Variants in KCNAB1 observed in about 807,000 individuals in gnomAD.
The protein encoded by KCNAB1 is potassium voltage-gated channel subfamily A regulatory beta subunit 1, also known as voltage-gated potassium channel subunit beta-1.
Under a neutral mutation model 64.6 loss-of-function variants are expected in KCNAB1, and 35 were observed. The observed-to-expected ratio is 0.54, with a 90% CI of 0.41 to 0.72. The LOEUF (loss-of-function observed/expected upper bound fraction) is 0.72, where lower values mean the gene tolerates loss of function less well. Among genes scored for constraint, KCNAB1 ranks in the 30% least tolerant of loss-of-function variants. The probability of loss-of-function intolerance (pLI) is 0.00; values close to 1 mark genes in which losing one functional copy is unlikely to be tolerated. For missense variants in KCNAB1, 401 were observed against 512.9 expected, an observed-to-expected ratio of 0.78 and a Z score of 2.11; for synonymous variants, 177 against 183.8, an observed-to-expected ratio of 0.96 and a Z score of 0.30.
chr3:156,374,011 T>C (rs1197621302), intron 1 of KCNAB1, among the ~76,000 whole-genome samples: 1 of 152,202 alleles, frequency 6.6e-6, no homozygotes, highest in Non-Finnish European at 1.5e-5. Flanking sequence ...GATTCTTAGC[T>C]CTGTCTTCAC....
intron 1 of KCNAB1, among the ~76,000 whole-genome samples, chr3:156,190,268 A>G (rs1436503552): frequency 1.3e-5 from 2 of 152,094 alleles, no homozygotes; most frequent in African/African-American, 2.4e-5. Context: ...GCAATTGCCA[A>G]CCTGTGTTTT....
chr3:156,454,983 A>G (rs1712289258), intron 3 of KCNAB1, among the ~76,000 whole-genome samples: 1 of 152,176 alleles, frequency 6.6e-6, no homozygotes, highest in Non-Finnish European at 1.5e-5. Flanking sequence ...GCTGTCATGA[A>G]TGGCTGCTGA....
intron 3 of KCNAB1, among the ~76,000 whole-genome samples, chr3:156,454,132 T>C (rs1712212344): frequency 6.6e-6 from 1 of 152,230 alleles, no homozygotes; most frequent in Non-Finnish European, 1.5e-5. Context: ...CATGTCACCT[T>C]ATAAGGCTTG....
chr3:156,504,742 G>GTTTT lies in KCNAB1; in HGVS notation c.659-9617_659-9614dup, dbSNP rs796618812. Among the ~76,000 whole-genome samples the GTTTT allele has an allele frequency of 6.2e-5, 5 of 81,234 alleles. No individual in the cohort carries two copies. The East Asian group carries it at 1.4e-3, about 23-fold the overall frequency. The allele number at this position is 81,234 out of a possible 152,430, so 53.3% of individuals were successfully genotyped here. ...AAATTGGATTACTTGTTTTGTTTTT[G>GTTTT]TTTTTTTTGTTTTTTTTTTTTTGCT... On this transcript the variant is annotated intron_variant, in intron 8 of 13. Transcript: ENST00000490337.
chr3:156,262,522 A>G (rs1183295777), intron 1 of KCNAB1, among the ~76,000 whole-genome samples: 2 of 151,936 alleles, frequency 1.3e-5, no homozygotes, highest in Non-Finnish European at 2.9e-5. Flanking sequence ...AAACCAAACT[A>G]CAGACCACTT....
At chr3:156,420,862 T>C (rs1037772155) in intron 1 of KCNAB1, among the ~76,000 whole-genome samples, 1 of 152,094 alleles carries the variant, frequency 6.6e-6, no homozygotes, top group African/African-American at 2.4e-5. Context: ...AGCAAAAATA[T>C]ATTTCTTTTC....
intron 1 of KCNAB1, among the ~76,000 whole-genome samples, chr3:156,364,326 T>A (rs1302706696): frequency 6.6e-6 from 1 of 152,238 alleles, no homozygotes. Flanking sequence ...TCAGTCCATT[T>A]TTCATGTCAG....
intron 1 of KCNAB1, among the ~76,000 whole-genome samples, chr3:156,324,704 A>AT (rs1267194426): frequency 6.6e-6 from 1 of 151,898 alleles, no homozygotes; most frequent in Non-Finnish European, 1.5e-5. Flanking sequence ...AGTCATATTC[A>AT]TTTTTCAATG....
intron 1 of KCNAB1, among the ~76,000 whole-genome samples, chr3:156,381,306 GA>G (rs1342353821): frequency 1.3e-5 from 2 of 152,172 alleles, no homozygotes; most frequent in Non-Finnish European, 1.5e-5. Context: ...TTGGCTGAGG[GA>G]ACAGCATGAG....
intron 1 of KCNAB1, among the ~76,000 whole-genome samples, chr3:156,159,788 A>G (rs1438000081): frequency 6.6e-6 from 1 of 152,150 alleles, no homozygotes; most frequent in Non-Finnish European, 1.5e-5. Context: ...TTAAGAGTTT[A>G]ATCAAAGGCT....
At chr3:156,389,590 G>T (rs952834471) in intron 1 of KCNAB1, among the ~76,000 whole-genome samples, 2 of 152,198 alleles carry the variant, frequency 1.3e-5, no homozygotes, top group African/African-American at 4.8e-5. Flanking sequence ...AAGGCAAATT[G>T]TCAGACCTCC....
At chr3:156,183,902 T>G (rs1345467228) in intron 1 of KCNAB1, among the ~76,000 whole-genome samples, 1 of 152,232 alleles carries the variant, frequency 6.6e-6, no homozygotes, top group Non-Finnish European at 1.5e-5. Context: ...GGCCACCACT[T>G]ACAGAATACG....
intron 1 of KCNAB1, chr3:156,176,447 A>G: frequency 1.3e-6 from 1 of 785,904 alleles, no homozygotes; most frequent in Non-Finnish European, 2.4e-6. Context: ...ACAGGAATTC[A>G]CAAAGGAAGT....
At chr3:156,284,994 G>A (rs1720014662) in intron 1 of KCNAB1, among the ~76,000 whole-genome samples, 1 of 152,120 alleles carries the variant, frequency 6.6e-6, no homozygotes, top group Non-Finnish European at 1.5e-5. Flanking sequence ...CTCCCCCGGG[G>A]AATACTTTAA....
In KCNAB1 at chr3:156,224,737, G is replaced by A. The variant is rs145596799; in HGVS notation, c.275+103851G>A. On this transcript the variant is annotated intron_variant, in intron 1 of 13. Coordinates refer to ENST00000490337, the MANE Select transcript of KCNAB1 (RefSeq NM_172160.3). ...TGAGCTCCATTAGAAATGAAATGGG[G>A]TATATTACAACTCATACCATATAAA... is the stretch of plus-strand genomic sequence containing the variant. 8.9e-3 allele frequency among the ~76,000 whole-genome samples: 1,360 copies of A among 152,140 alleles called. 19 individuals are homozygous for A. The highest frequency in any genetic ancestry group is 0.031 in the African/African-American group (1,291 of 41,522).
At chr3:156,503,586 C>G (rs1716610958) in intron 8 of KCNAB1, among the ~76,000 whole-genome samples, 1 of 152,128 alleles carries the variant, frequency 6.6e-6, no homozygotes, top group African/African-American at 2.4e-5. Flanking sequence ...GTCAAGCTCT[C>G]AATTCAGGGA....
intron 1 of KCNAB1, among the ~76,000 whole-genome samples, chr3:156,390,880 C>T (rs1420895147): frequency 2.6e-5 from 4 of 152,136 alleles, no homozygotes; most frequent in African/African-American, 4.8e-5. Context: ...CCACAGCGCC[C>T]GGCCTTTGTG....
In KCNAB1 at chr3:156,200,777, C is replaced by T. The variant is rs544474166; in HGVS notation, c.275+79891C>T. 2.6e-5 allele frequency among the ~76,000 whole-genome samples: 4 copies of T among 152,306 alleles called. No homozygotes were observed. In the South Asian group the frequency reaches 8.3e-4, roughly 32 times the overall value. On this transcript the variant is annotated intron_variant, in intron 1 of 13. Transcript: ENST00000490337. ...GGGAATGGGACCCGCTGAATGAGACCACTTGGCTCCCTGGCTTCAGCCCCT... is the reference window on the plus strand; with the variant it reads ...GGGAATGGGACCCGCTGAATGAGACTACTTGGCTCCCTGGCTTCAGCCCCT...
intron 2 of KCNAB1, among the ~76,000 whole-genome samples, chr3:156,445,350 G>T (rs1717334131): frequency 6.6e-6 from 1 of 152,150 alleles, no homozygotes; most frequent in African/African-American, 2.4e-5. Context: ...CTACCGGTAT[G>T]AGAAGAATAT....
Sources: allele counts gnomAD v4.1 joint callset (sites outside exome capture counted in the v4.1 genomes callset), GRCh38; gene constraint gnomAD v4.1.1; transcripts MANE v1.5; gene names NCBI Gene and HGNC (gene_info 2026-07-23, HGNC 2026-07-21).